PAM: variants seen among roughly 807,000 people sequenced by gnomAD.
PAM encodes peptidyl-glycine alpha-amidating monooxygenase.
Under a neutral mutation model 122.1 loss-of-function variants are expected in PAM, and 72 were observed. The ratio of observed to expected loss-of-function variants is 0.59; its 90% CI spans 0.49 to 0.72. PAM has a LOEUF of 0.72. Ranked by LOEUF, PAM falls within the 30% of genes least tolerant of loss-of-function variation. PAM has a pLI of 0.00. For synonymous variants in PAM, 389 were observed against 404.4 expected (o/e 0.96, Z 0.46); for missense variants, 1,106 against 1,183.7 (o/e 0.93, Z 0.96).
At chr5:102,833,833 C>T (rs1487510978) in intron 1 of PAM, among the ~76,000 whole-genome samples, 2 of 152,066 alleles carry the variant, frequency 1.3e-5, no homozygotes, top group Non-Finnish European at 2.9e-5. Context: ...GCCACATTTT[C>T]TGAGAAGAGA....
At chr5:102,981,718 G>C (rs1275629488) in intron 15 of PAM, among the ~76,000 whole-genome samples, 1 of 152,196 alleles carries the variant, frequency 6.6e-6, no homozygotes, top group Non-Finnish European at 1.5e-5. Context: ...ATTGTCGTGA[G>C]CTTTGAGTTC....
intron 5 of PAM, 85 bp from the exon 6 acceptor site, chr5:102,924,872 T>C (rs1032597691): frequency 1.2e-5 from 9 of 762,672 alleles, no homozygotes; most frequent in Middle Eastern, 5.1e-4. Context: ...TTCAAATACC[T>C]TCCCCCATCA....
intron 1 of PAM, among the ~76,000 whole-genome samples, chr5:102,766,957 T>C (rs919049786): frequency 7.8e-6 from 1 of 128,502 alleles, no homozygotes; most frequent in South Asian, 2.9e-4. Context: ...TTTTTTTTTT[T>C]GCCATCATGC....
At chr5:103,012,270 C>T (rs763220678) in intron 21 of PAM, among the ~76,000 whole-genome samples, 3 of 152,024 alleles carry the variant, frequency 2.0e-5, no homozygotes, top group Admixed American at 1.3e-4. Context: ...TAACTTGATG[C>T]GATCCCATTT....
intron 1 of PAM, among the ~76,000 whole-genome samples, chr5:102,824,407 T>A (rs1772984160): frequency 1.3e-5 from 2 of 152,214 alleles, no homozygotes; most frequent in South Asian, 4.1e-4. Flanking sequence ...TCATTCTATG[T>A]ACAAATGGAA....
intron 1 of PAM, among the ~76,000 whole-genome samples, chr5:102,757,316 ACT>A (rs1274154832): frequency 2.3e-5 from 3 of 129,880 alleles, no homozygotes; most frequent in East Asian, 4.6e-4. Flanking sequence ...ACAGAGTGAG[ACT>A]CTCTCAAAAA....
At chr5:102,772,225 G>A (rs79058428) in intron 1 of PAM, among the ~76,000 whole-genome samples, 23 of 152,252 alleles carry the variant, frequency 1.5e-4, no homozygotes, top group African/African-American at 5.1e-4. Context: ...CTTAATAAAT[G>A]TTGGATATCA....
chr5:102,948,963 A>T (rs1287929892), intron 9 of PAM, among the ~76,000 whole-genome samples: 1 of 152,002 alleles, frequency 6.6e-6, no homozygotes, highest in Non-Finnish European at 1.5e-5. Context: ...ATATTTTACG[A>T]TCCTCTGATG....
chr5:102,765,871 A>G (rs1313733486), intron 1 of PAM, among the ~76,000 whole-genome samples: 1 of 152,048 alleles, frequency 6.6e-6, no homozygotes, highest in East Asian at 1.9e-4. Flanking sequence ...ATTATGGTCT[A>G]CCCTAATGAC....
intron 1 of PAM, among the ~76,000 whole-genome samples, chr5:102,807,890 C>G (rs1766659314): frequency 1.3e-5 from 2 of 152,164 alleles, no homozygotes; most frequent in African/African-American, 4.8e-5. Flanking sequence ...AGATGTTTGT[C>G]ATTAAAAAGT....
intron 15 of PAM, among the ~76,000 whole-genome samples, chr5:102,986,241 G>A (rs1562141150): frequency 6.6e-6 from 1 of 152,056 alleles, no homozygotes; most frequent in Non-Finnish European, 1.5e-5. Flanking sequence ...AAAGCAGTCA[G>A]GCAAGAACAA....
At chr5:102,824,784 TA>T (rs11346866) in intron 1 of PAM, among the ~76,000 whole-genome samples, 101,536 of 152,036 alleles carry the variant, frequency 0.67, 34,129 homozygotes, top group South Asian at 0.8. Context: ...ACAAATCACT[TA>T]AAAAATTCAC....
chr5:102,870,295 A>C (rs538137690), intron 3 of PAM, among the ~76,000 whole-genome samples: 4 of 152,318 alleles, frequency 2.6e-5, no homozygotes, highest in Non-Finnish European at 5.9e-5. Context: ...TCTTATGTGT[A>C]TCCTTTCTTT....
chr5:103,002,047 C>A (rs1418324893), intron 16 of PAM, among the ~76,000 whole-genome samples: 1 of 151,746 alleles, frequency 6.6e-6, no homozygotes, highest in East Asian at 1.9e-4. Flanking sequence ...TACACACACA[C>A]CCCCCTCAAC....
At chr5:102,808,124 C>T (rs1472153005) in intron 1 of PAM, 5 of 152,166 alleles carry the variant, frequency 3.3e-5, no homozygotes, top group African/African-American at 1.2e-4. Flanking sequence ...AGTATGCATA[C>T]AGGGGTTGTT....
intron 1 of PAM, among the ~76,000 whole-genome samples, chr5:102,767,095 T>C (rs1181322105): frequency 2.0e-5 from 3 of 151,770 alleles, no homozygotes; most frequent in Non-Finnish European, 4.4e-5. Flanking sequence ...CCTCCCTCTG[T>C]TAAACAACCA....
At chr5:102,971,214 A>T (rs967600556) in intron 14 of PAM, among the ~76,000 whole-genome samples, 1 of 152,236 alleles carries the variant, frequency 6.6e-6, no homozygotes, top group Non-Finnish European at 1.5e-5. Context: ...TGCATGTTGC[A>T]ATTAGTTTGT....
chr5:102,962,187 A>G (rs1263981361), intron 14 of PAM, among the ~76,000 whole-genome samples: 1 of 151,848 alleles, frequency 6.6e-6, no homozygotes, highest in African/African-American at 2.4e-5. Flanking sequence ...TGCATTCTGA[A>G]AGAAGCATAA....
chr5:102,963,535 T>C (rs1409255787), intron 14 of PAM, among the ~76,000 whole-genome samples: 1 of 152,006 alleles, frequency 6.6e-6, no homozygotes, highest in East Asian at 1.9e-4. Context: ...TTTCTTTACA[T>C]TGTACAATTA....
Sources: allele counts gnomAD v4.1 joint callset (sites outside exome capture counted in the v4.1 genomes callset), GRCh38; gene constraint gnomAD v4.1.1; transcripts MANE v1.5; gene names NCBI Gene and HGNC (gene_info 2026-07-23, HGNC 2026-07-21).